ABLIM1: variants seen among roughly 807,000 people sequenced by gnomAD.
The protein encoded by ABLIM1 is actin binding LIM protein 1, also known as actin-binding LIM protein 1.
A neutral mutation model predicts 107.0 loss-of-function variants in ABLIM1; 40 were observed. That is an observed-to-expected ratio of 0.37 (90% CI 0.29 to 0.49). ABLIM1 has a LOEUF of 0.49. ABLIM1 is among the 20% of genes least tolerant of loss of function. ABLIM1 has a pLI of 0.97. For missense variants in ABLIM1, 857 were observed against 1,008.5 expected (o/e 0.85, Z 2.04); for synonymous variants, 357 against 357.3 (o/e 1.00, Z 0.01).
chr10:114,461,827 TAAA>T (rs1403903188), intron 12 of ABLIM1, among the ~76,000 whole-genome samples: 5 of 151,572 alleles, frequency 3.3e-5, no homozygotes, highest in Admixed American at 2.6e-4. Context: ...TCAAAACAAA[TAAA>T]AAATAAAAAA....
intron 1 of ABLIM1, among the ~76,000 whole-genome samples, chr10:114,762,365 T>G (rs2082767745): frequency 6.6e-6 from 1 of 152,190 alleles, no homozygotes; most frequent in African/African-American, 2.4e-5. Context: ...TGTGTATTTG[T>G]CTTCCCCATA....
chr10:114,638,918 A>G (rs2078609498), intron 1 of ABLIM1, among the ~76,000 whole-genome samples: 1 of 152,196 alleles, frequency 6.6e-6, no homozygotes, highest in Non-Finnish European at 1.5e-5. Flanking sequence ...CCACATAGCA[A>G]GACTTCAAAA....
chr10:114,456,582 T>A (rs2062860897), intron 12 of ABLIM1, among the ~76,000 whole-genome samples: 1 of 152,196 alleles, frequency 6.6e-6, no homozygotes, highest in Non-Finnish European at 1.5e-5. Context: ...CTCGTAGGTT[T>A]TGGTTATAAT....
At chr10:114,471,837 T>C (rs2066634366) in intron 10 of ABLIM1, among the ~76,000 whole-genome samples, 1 of 151,976 alleles carries the variant, frequency 6.6e-6, no homozygotes, top group African/African-American at 2.4e-5. Context: ...GAATAGCTGA[T>C]TTGTCAGCTA....
At chr10:114,660,320 T>A (rs1187115825), upstream of ABLIM1, among the ~76,000 whole-genome samples, 1 of 152,166 alleles carries the variant, frequency 6.6e-6, no homozygotes, top group Non-Finnish European at 1.5e-5. Flanking sequence ...GGGTAAGGGA[T>A]AAAAGACTAA....
intron 14 of ABLIM1, among the ~76,000 whole-genome samples, chr10:114,448,609 T>TATC (rs979168997): frequency 6.6e-6 from 1 of 151,392 alleles, no homozygotes; most frequent in Non-Finnish European, 1.5e-5. Context: ...ATTCTTTTAT[T>TATC]ATTATTATTA....
Position 114,608,684 on chromosome 10 carries a change from TAAAC to T in ABLIM1, c.245-6727_245-6724del, listed in dbSNP as rs201895565. On this transcript the variant is annotated intron_variant, in intron 1 of 22. Coordinates refer to ENST00000533213, the MANE Select transcript of ABLIM1 (RefSeq NM_002313.7). ...AACTCTGTCTCAAAAAATAAATAAATAAACAAACAAACAAACAAAATAAAGCTTA... is the reference window on the plus strand; with the variant it reads ...AACTCTGTCTCAAAAAATAAATAAATAAACAAACAAACAAAATAAAGCTTA... 2.5e-4 allele frequency among the ~76,000 whole-genome samples: 38 copies of T among 150,048 alleles called. No individual in the cohort carries two copies. In the East Asian group the frequency reaches 4.8e-3, roughly 19 times the overall value.
chr10:114,768,953 A>ACT (rs1169570053), upstream of ABLIM1, among the ~76,000 whole-genome samples: 3 of 151,976 alleles, frequency 2.0e-5, no homozygotes, highest in African/African-American at 7.2e-5. Context: ...CAACATAATA[A>ACT]AAAGCCACCA....
chr10:114,776,738 C>T, the ABLIM1 span, among the ~76,000 whole-genome samples: 1 of 152,204 alleles, frequency 6.6e-6, no homozygotes, highest in African/African-American at 2.4e-5. Flanking sequence ...CTCAGCCTCC[C>T]AAGTAGCTTG....
intron 1 of ABLIM1, among the ~76,000 whole-genome samples, chr10:114,618,203 C>A (rs2483603): frequency 0.32 from 48,964 of 151,996 alleles, 9,264 homozygotes; most frequent in East Asian, 0.52. Flanking sequence ...TTACACTTTG[C>A]GAATGTAATT....
chr10:114,520,535 A>G (rs1488453153), intron 6 of ABLIM1, among the ~76,000 whole-genome samples: 3 of 152,050 alleles, frequency 2.0e-5, no homozygotes, highest in Non-Finnish European at 2.9e-5. Flanking sequence ...AGGGCTGCCA[A>G]TTGTAACCCT....
chr10:114,491,003 T>TGG (rs2135048109), intron 7 of ABLIM1, among the ~76,000 whole-genome samples: 1 of 107,608 alleles, frequency 9.3e-6, no homozygotes, highest in South Asian at 3.0e-4. Context: ...TGTGTGTGTG[T>TGG]GTGTGTGTGT....
At chr10:114,565,134 C>A (rs1345138361) in intron 4 of ABLIM1, among the ~76,000 whole-genome samples, 2 of 152,210 alleles carry the variant, frequency 1.3e-5, no homozygotes, top group Non-Finnish European at 2.9e-5. Context: ...CAGTTCCCTG[C>A]CAGGCCTCCT....
intron 6 of ABLIM1, among the ~76,000 whole-genome samples, chr10:114,500,016 T>C (rs2060185158): frequency 6.6e-6 from 1 of 152,120 alleles, no homozygotes; most frequent in African/African-American, 2.4e-5. Flanking sequence ...TGGCCGTAAA[T>C]ATGTATCCTG....
chr10:114,545,929 TCAAAAAAAAAAAA>T (rs1265228859), intron 5 of ABLIM1, among the ~76,000 whole-genome samples: 1 of 22,556 alleles, frequency 4.4e-5, no homozygotes, highest in African/African-American at 3.0e-4. Flanking sequence ...AGACCCCATC[TCAAAAAAAAAAAA>T]CAAAAAAAAA....
chr10:114,726,422 A>G (rs2081960656), intron 1 of ABLIM1, among the ~76,000 whole-genome samples: 1 of 152,052 alleles, frequency 6.6e-6, no homozygotes, highest in African/African-American at 2.4e-5. Context: ...GCTTCCAATC[A>G]TGGTATAAGG....
intron 1 of ABLIM1, among the ~76,000 whole-genome samples, chr10:114,748,279 A>G (rs1304854173): frequency 6.6e-6 from 1 of 152,192 alleles, no homozygotes; most frequent in Non-Finnish European, 1.5e-5. Flanking sequence ...GTTCTTAAAA[A>G]GCATACATAA....
chr10:114,716,913 T>A (rs1220465372), intron 1 of ABLIM1, among the ~76,000 whole-genome samples: 1 of 151,668 alleles, frequency 6.6e-6, no homozygotes, highest in Non-Finnish European at 1.5e-5. Flanking sequence ...TAATGAGAGC[T>A]GCCACATGAA....
chr10:114,674,312 T>C (rs2080388032), intron 1 of ABLIM1, among the ~76,000 whole-genome samples: 1 of 150,770 alleles, frequency 6.6e-6, no homozygotes. Context: ...AAAAAATTAA[T>C]TAATTAAAAA....
Sources: allele counts gnomAD v4.1 joint callset (sites outside exome capture counted in the v4.1 genomes callset), GRCh38; gene constraint gnomAD v4.1.1; transcripts MANE v1.5; gene names NCBI Gene and HGNC (gene_info 2026-07-23, HGNC 2026-07-21).